Variants in TG observed in about 807,000 individuals in gnomAD.
TG encodes thyroglobulin.
Under a neutral mutation model 324.7 loss-of-function variants are expected in TG, and 270 were observed. The ratio of observed to expected loss-of-function variants is 0.83; its 90% CI spans 0.75 to 0.92. TG has a LOEUF of 0.92. Among genes scored for constraint, TG ranks in the 40% least tolerant of loss-of-function variants. TG has a pLI of 0.00. For missense variants in TG, 3,591 were observed against 3,456.4 expected (o/e 1.04, Z -0.98); for synonymous variants, 1,401 against 1,327.0 (o/e 1.06, Z -1.21).
chr8:133,080,636 T>C (rs1174896822), intron 41 of TG, among the ~76,000 whole-genome samples: 2 of 152,172 alleles, frequency 1.3e-5, no homozygotes, highest in Admixed American at 6.5e-5. Context: ...TTTCCTGGCA[T>C]TCAAAGCTCA....
intron 35 of TG, among the ~76,000 whole-genome samples, chr8:133,006,630 G>A (rs1834039312): frequency 6.6e-6 from 1 of 152,218 alleles, no homozygotes; most frequent in South Asian, 2.1e-4. Flanking sequence ...AATACCGCAG[G>A]TTTCCAATCT....
chr8:132,962,221 A>G (rs545312830), intron 28 of TG, among the ~76,000 whole-genome samples: 8 of 152,232 alleles, frequency 5.3e-5, no homozygotes, highest in Admixed American at 1.3e-4. Context: ...AAAGAGATAA[A>G]ATGAGATTAT....
At chr8:133,050,944 G>A (rs775242328) in intron 41 of TG, 13 of 1,361,540 alleles carry the variant, frequency 9.5e-6, no homozygotes, top group Non-Finnish European at 1.3e-5. Context: ...GGGGGAAGGG[G>A]GCAAGGTGCT....
intron 43 of TG, among the ~76,000 whole-genome samples, chr8:133,105,212 A>C (rs1048500883): frequency 6.6e-6 from 1 of 152,182 alleles, no homozygotes; most frequent in Non-Finnish European, 1.5e-5. Flanking sequence ...AGCATTATCA[A>C]TGAGCAAAAA....
intron 12 of TG, 68 bp downstream of exon 12, chr8:132,897,854 C>T: frequency 1.9e-6 from 3 of 1,587,310 alleles, no homozygotes; most frequent in Non-Finnish European, 2.6e-6. Flanking sequence ...GACAGAGCCC[C>T]ACACTGGGAG....
intron 8 of TG, chr8:132,883,326 G>A (rs114879634): frequency 6.0e-6 from 2 of 330,746 alleles, no homozygotes; most frequent in Non-Finnish European, 1.1e-5. Flanking sequence ...GTGGGCATTC[G>A]ATCTTGCAGC....
At position 133,039,169 on chromosome 8, in the gene TG, G is replaced by A. The variant is rs558419471; in HGVS notation, c.7239+9146G>A. ...GCTGGGGTTACAGGCGTGAGCCACC[G>A]CGCCTGGCCCTAACTTACTATTCTA... On this transcript the variant is annotated intron_variant, in intron 41 of 47. Transcript: ENST00000220616. 5.9e-5 allele frequency among the ~76,000 whole-genome samples: 9 copies of A among 152,278 alleles called. No homozygotes were observed. In the South Asian group the frequency reaches 8.3e-4, roughly 14 times the overall value.
In TG at chr8:132,871,194, T is replaced by G. The variant is rs377580255; in HGVS notation, c.275-154T>G. The stretch of plus-strand genomic sequence containing the variant: ...CAGTCCACAGGATACTAGCTAGGCC[T>G]GTTCTGTGGCTGCCACCCCATCACT... On this transcript the variant is annotated intron_variant, in intron 3 of 47. Coordinates refer to ENST00000220616, the MANE Select transcript of TG (RefSeq NM_003235.5). 2.3e-4 allele frequency among the ~76,000 whole-genome samples: 35 copies of G among 152,308 alleles called. No homozygotes were observed. The East Asian group carries it at 6.4e-3, about 28-fold the overall frequency.
chr8:133,043,221 C>G (rs1213954031), intron 41 of TG, among the ~76,000 whole-genome samples: 3 of 152,114 alleles, frequency 2.0e-5, no homozygotes, highest in African/African-American at 7.2e-5. Flanking sequence ...CAAGCAGCGG[C>G]AGTTAGATTT....
At chr8:132,895,741 A>C (rs183675408) in intron 11 of TG, among the ~76,000 whole-genome samples, 4 of 152,330 alleles carry the variant, frequency 2.6e-5, no homozygotes, top group Non-Finnish European at 5.9e-5. Flanking sequence ...ATTTGAGGTA[A>C]TCAAAGAGAG....
chr8:132,868,291 C>G, intron 2 of TG, 68 bp downstream of exon 2: 3 of 1,421,318 alleles, frequency 2.1e-6, no homozygotes, highest in South Asian at 1.2e-5. Context: ...GTGCCTTCCC[C>G]CCTCTTCCTG....
chr8:133,130,626 T>C (rs1851867818), intron 45 of TG, among the ~76,000 whole-genome samples: 1 of 152,102 alleles, frequency 6.6e-6, no homozygotes, highest in South Asian at 2.1e-4. Flanking sequence ...CAACTTTGAA[T>C]GGTCAAGAGA....
At chr8:133,033,626 A>G (rs1031280978) in intron 41 of TG, among the ~76,000 whole-genome samples, 3 of 152,168 alleles carry the variant, frequency 2.0e-5, no homozygotes, top group Non-Finnish European at 4.4e-5. Context: ...CTCACTAGCT[A>G]TCACCCTTCT....
chr8:133,013,394 G>C (rs574990336), intron 36 of TG, among the ~76,000 whole-genome samples: 5 of 152,172 alleles, frequency 3.3e-5, no homozygotes, highest in Middle Eastern at 3.4e-3. Flanking sequence ...TTGATGAAAG[G>C]GTAGATGGAT....
intron 26 of TG, among the ~76,000 whole-genome samples, chr8:132,945,602 T>C (rs1825134948): frequency 1.3e-5 from 2 of 152,102 alleles, no homozygotes; most frequent in South Asian, 4.1e-4. Flanking sequence ...TTCGAGGTGG[T>C]ATCAAATGTG....
chr8:132,913,281 C>T lies in TG; in HGVS notation c.4378+16C>T. The T allele has an allele frequency of 6.2e-7, 1 of 1,612,446 alleles. No individual in the cohort carries two copies. The highest frequency in any genetic ancestry group is 1.1e-5 in the South Asian group (1 of 91,000). ...CTGGGATGCGGTAGGTCCACTCTCT[C>T]CCTGGATATCTCCTGTGGAGCCATG... is the stretch of plus-strand genomic sequence containing the variant. On this transcript the variant is annotated intron_variant, in intron 20 of 47. Coordinates refer to ENST00000220616, the MANE Select transcript of TG (RefSeq NM_003235.5).
intron 26 of TG, among the ~76,000 whole-genome samples, chr8:132,945,027 C>A (rs959268252): frequency 1.3e-5 from 2 of 152,134 alleles, no homozygotes; most frequent in African/African-American, 4.8e-5. Flanking sequence ...GTGAGGAGAA[C>A]CTTGTAGGCG....
intron 41 of TG, chr8:133,049,267 C>T (rs552049089): frequency 1.4e-5 from 6 of 415,432 alleles, no homozygotes; most frequent in South Asian, 9.9e-5. Context: ...ACCCATTTTT[C>T]AAGGAAGGCA....
intron 20 of TG, among the ~76,000 whole-genome samples, chr8:132,919,071 A>G (rs1032185578): frequency 6.6e-6 from 1 of 152,076 alleles, no homozygotes; most frequent in African/African-American, 2.4e-5. Context: ...CAAGAACACA[A>G]CTCTGAACCA....
Sources: gnomAD v4.1 joint callset for allele counts (sites outside exome capture counted in the v4.1 genomes callset) on GRCh38, gnomAD v4.1.1 for gene constraint, MANE v1.5 for transcripts, NCBI Gene and HGNC (gene_info 2026-07-23, HGNC 2026-07-21) for gene names.